Variants in COL19A1 observed in about 807,000 individuals in gnomAD.
COL19A1 encodes collagen type XIX alpha 1 chain.
COL19A1 carries 159 observed loss-of-function variants against 190.2 expected under a neutral mutation model. The ratio of observed to expected loss-of-function variants is 0.84; its 90% CI spans 0.73 to 0.95. The LOEUF (loss-of-function observed/expected upper bound fraction) is 0.95, where lower values mean the gene tolerates loss of function less well. Ranked by LOEUF, COL19A1 falls within the 40% of genes least tolerant of loss-of-function variation. The probability of loss-of-function intolerance (pLI) is 0.00; values close to 1 mark genes in which losing one functional copy is unlikely to be tolerated. For missense variants in COL19A1, 1,418 were observed against 1,431.9 expected, an observed-to-expected ratio of 0.99 and a Z score of 0.16; for synonymous variants, 509 against 458.9, an observed-to-expected ratio of 1.11 and a Z score of -1.39.
Position 70,035,288 on chromosome 6 carries a change from T to A in COL19A1, c.1135-616T>A, listed in dbSNP as rs115305901. ...AATTGGAAAATAGTGAACTTTTAGATGAACCATTTTTTAAAGATGTTGAAT... is the reference window on the plus strand; with the variant it reads ...AATTGGAAAATAGTGAACTTTTAGAAGAACCATTTTTTAAAGATGTTGAAT... On this transcript the variant is annotated intron_variant, in intron 13 of 50. Coordinates refer to ENST00000620364, the MANE Select transcript of COL19A1 (RefSeq NM_001858.6). Among the ~76,000 whole-genome samples, 990 of 152,310 alleles carry A rather than the reference T, an allele frequency of 6.5e-3. 13 individuals carry two copies. Among genetic ancestry groups the A allele is most frequent in the African/African-American group, 0.023 (951 of 41,570 alleles).
At chr6:69,868,208 A>AG (rs1020775655) in intron 1 of COL19A1, among the ~76,000 whole-genome samples, 13 of 146,540 alleles carry the variant, frequency 8.9e-5, no homozygotes, top group Admixed American at 7.0e-4. Context: ...GGGAAAAAAA[A>AG]AAAAGAAAGA....
chr6:70,083,607 C>A (rs1782407449), intron 15 of COL19A1, among the ~76,000 whole-genome samples: 1 of 152,142 alleles, frequency 6.6e-6, no homozygotes, highest in Non-Finnish European at 1.5e-5. Context: ...ACTTTATCAC[C>A]AGCAGAAGGA....
intron 4 of COL19A1, among the ~76,000 whole-genome samples, chr6:69,924,382 T>G (rs1297447049): frequency 2.0e-5 from 3 of 152,140 alleles, no homozygotes; most frequent in African/African-American, 7.2e-5. Flanking sequence ...GATAGTTTGC[T>G]GAAAATGGTG....
At chr6:70,060,033 G>A (rs1346724075) in intron 14 of COL19A1, among the ~76,000 whole-genome samples, 1 of 152,010 alleles carries the variant, frequency 6.6e-6, no homozygotes, top group Non-Finnish European at 1.5e-5. Flanking sequence ...ATCAGGTTTT[G>A]GTCAAAAATT....
chr6:69,969,584 T>TA (rs1401179127), intron 11 of COL19A1, among the ~76,000 whole-genome samples: 1 of 152,114 alleles, frequency 6.6e-6, no homozygotes, highest in African/African-American at 2.4e-5. Flanking sequence ...ATAATACAAA[T>TA]AAAAAACAAT....
chr6:70,094,688 T>C (rs1355978683), intron 15 of COL19A1, among the ~76,000 whole-genome samples: 2 of 152,234 alleles, frequency 1.3e-5, no homozygotes, highest in African/African-American at 2.4e-5. Context: ...TAATTTAAGA[T>C]ACACGTTCTC....
chr6:69,963,129 C>T (rs1197375363), intron 11 of COL19A1, among the ~76,000 whole-genome samples: 2 of 152,078 alleles, frequency 1.3e-5, no homozygotes, highest in Non-Finnish European at 2.9e-5. Context: ...ATGATTTAAA[C>T]ATTTATAAAG....
chr6:69,898,076 C>T (rs1176294681), intron 2 of COL19A1, among the ~76,000 whole-genome samples: 1 of 150,070 alleles, frequency 6.7e-6, no homozygotes, highest in Non-Finnish European at 1.5e-5. Context: ...ATATTAAAAA[C>T]TTCTTAGTTA....
At chr6:69,950,594 G>A (rs983840214) in intron 9 of COL19A1, among the ~76,000 whole-genome samples, 1 of 151,142 alleles carries the variant, frequency 6.6e-6, no homozygotes, top group Non-Finnish European at 1.5e-5. Context: ...AGAAGGCTCT[G>A]TCAATCAAAA....
chr6:70,116,716 A>G (rs1462938260), intron 16 of COL19A1, among the ~76,000 whole-genome samples: 1 of 152,248 alleles, frequency 6.6e-6, no homozygotes, highest in Non-Finnish European at 1.5e-5. Flanking sequence ...CCATTAGAAC[A>G]CTGGAAATGT....
At chr6:70,086,567 G>T (rs145874809) in intron 15 of COL19A1, among the ~76,000 whole-genome samples, 1 of 151,980 alleles carries the variant, frequency 6.6e-6, no homozygotes, top group Non-Finnish European at 1.5e-5. Context: ...CATTTGTTAT[G>T]TTACTCTTTT....
chr6:70,030,112 A>G (rs1442368513), intron 12 of COL19A1, among the ~76,000 whole-genome samples: 1 of 152,128 alleles, frequency 6.6e-6, no homozygotes, highest in Non-Finnish European at 1.5e-5. Flanking sequence ...TGCTTTTGTC[A>G]TACCTGCTAT....
At chr6:69,911,306 T>C (rs1770896747) in intron 4 of COL19A1, among the ~76,000 whole-genome samples, 1 of 152,220 alleles carries the variant, frequency 6.6e-6, no homozygotes, top group African/African-American at 2.4e-5. Flanking sequence ...ATGCTTATGT[T>C]ATTTTATGTG....
chr6:70,034,499 G>C (rs1477720742), intron 13 of COL19A1, among the ~76,000 whole-genome samples: 1 of 152,130 alleles, frequency 6.6e-6, no homozygotes, highest in African/African-American at 2.4e-5. Context: ...ATTGCTAGTT[G>C]ACATTAGCTG....
At chr6:69,876,126 A>G (rs1342009110) in intron 1 of COL19A1, among the ~76,000 whole-genome samples, 2 of 152,162 alleles carry the variant, frequency 1.3e-5, no homozygotes, top group Non-Finnish European at 2.9e-5. Context: ...TTCTTCTTTC[A>G]AGTTCCTGCT....
At chr6:70,153,132 T>C (rs1787179994) in intron 31 of COL19A1, among the ~76,000 whole-genome samples, 1 of 152,120 alleles carries the variant, frequency 6.6e-6, no homozygotes, top group Admixed American at 6.6e-5. Flanking sequence ...GGGAGGTATG[T>C]AGTTCCCCGA....
At chr6:69,955,691 C>T (rs1774380215) in intron 9 of COL19A1, among the ~76,000 whole-genome samples, 1 of 151,654 alleles carries the variant, frequency 6.6e-6, no homozygotes. Context: ...CCCGTGTGTG[C>T]CCAGAGAACA....
chr6:70,109,868 C>G (rs1004315271), intron 16 of COL19A1, among the ~76,000 whole-genome samples: 1 of 152,048 alleles, frequency 6.6e-6, no homozygotes, highest in Non-Finnish European at 1.5e-5. Flanking sequence ...CTGATGTTTC[C>G]TTTCTGATAG....
chr6:70,180,194 C>T, intron 42 of COL19A1, 118 bp from the exon 43 acceptor site: 1 of 1,124,278 alleles, frequency 8.9e-7, no homozygotes, highest in Non-Finnish European at 1.3e-6. Context: ...CCAGAAATGC[C>T]ACTGGAGAGC....
Sources: allele counts gnomAD v4.1 joint callset (sites outside exome capture counted in the v4.1 genomes callset), GRCh38; gene constraint gnomAD v4.1.1; transcripts MANE v1.5; gene names NCBI Gene and HGNC (gene_info 2026-07-23, HGNC 2026-07-21).